The following AP1S3 variants were observed in gnomAD, a reference collection of about 807,000 sequenced individuals.
AP1S3 encodes the protein adaptor related protein complex 1 subunit sigma 3.
In AP1S3, 10 loss-of-function variants were observed where a neutral mutation model predicts 20.9. The ratio of observed to expected loss-of-function variants is 0.48; its 90% CI spans 0.29 to 0.81. The LOEUF is 0.81. Ranked by LOEUF, AP1S3 falls within the 30% of genes least tolerant of loss-of-function variation. AP1S3 has a pLI of 0.08. For synonymous variants in AP1S3, 41 were observed against 61.5 expected, an observed-to-expected ratio of 0.67 and a Z score of 1.56; for missense variants, 154 against 183.8, an observed-to-expected ratio of 0.84 and a Z score of 0.94.
intron 1 of AP1S3, among the ~76,000 whole-genome samples, chr2:223,783,604 T>G (rs1691006271): frequency 6.6e-6 from 1 of 152,228 alleles, no homozygotes; most frequent in Non-Finnish European, 1.5e-5. Context: ...GTCTGCGCCC[T>G]GGCCGGTGTC....
intron 4 of AP1S3, among the ~76,000 whole-genome samples, chr2:223,761,669 C>T (rs1043992540): frequency 2.0e-5 from 3 of 152,214 alleles, no homozygotes; most frequent in African/African-American, 7.2e-5. Context: ...TCAAGCGGTC[C>T]TTCCGCATCA....
chr2:223,813,936 T>C (rs1691791339), intron 1 of AP1S3, among the ~76,000 whole-genome samples: 1 of 152,230 alleles, frequency 6.6e-6, no homozygotes, highest in Non-Finnish European at 1.5e-5. Flanking sequence ...GCTCCTGGCA[T>C]GCACAGTGAG....
Position 223,837,466 on chromosome 2 carries a change from G to T in AP1S3, c.-16C>A. ...CACTCACCATCGTGGCTGGGCCGCCGCCTCCCCCGCCTTGCGAGCAAGGAG... is the reference window on the plus strand; with the variant it reads ...CACTCACCATCGTGGCTGGGCCGCCTCCTCCCCCGCCTTGCGAGCAAGGAG... On this transcript the variant is annotated 5_prime_UTR_variant, in exon 1 of 5. Transcript: ENST00000396654. The T allele has an allele frequency of 1.6e-6, 2 of 1,281,352 alleles. No homozygotes were observed. Among genetic ancestry groups the T allele is most frequent in the Non-Finnish European group, 2.0e-6 (2 of 1,012,238 alleles). 79.4% of individuals were successfully genotyped at this position (1,281,352 alleles called of 1,614,324 possible). A position where few individuals can be genotyped will look rare whatever the true frequency, so the allele number is the denominator to read the frequency against.
At chr2:223,813,191 C>T (rs959027407) in intron 1 of AP1S3, among the ~76,000 whole-genome samples, 2 of 152,134 alleles carry the variant, frequency 1.3e-5, no homozygotes, top group East Asian at 3.9e-4. Flanking sequence ...AAGTGATCTA[C>T]CCCACTCAGC....
chr2:223,778,924 C>T (rs1158393963), intron 1 of AP1S3, among the ~76,000 whole-genome samples: 1 of 152,120 alleles, frequency 6.6e-6, no homozygotes, highest in Non-Finnish European at 1.5e-5. Context: ...GTCTCAAACT[C>T]CTAGTCTCAG....
chr2:223,836,612 C>T (rs1450630924), intron 1 of AP1S3, among the ~76,000 whole-genome samples: 1 of 152,174 alleles, frequency 6.6e-6, no homozygotes, highest in Non-Finnish European at 1.5e-5. Flanking sequence ...TGGTGGCACA[C>T]GCCTGTAATC....
Position 223,755,836 on chromosome 2 carries a change from T to C in AP1S3, c.*2879A>G. 1.0e-6 allele frequency: 1 copy of C among 985,368 alleles called. No homozygotes were observed. The highest frequency in any genetic ancestry group is 1.2e-6 in the Non-Finnish European group (1 of 829,910). The allele number at this position is 985,368 out of a possible 1,614,324, so 61.0% of individuals were successfully genotyped here. ...TGAGCCACCTTGCCCAGAAGAGATA[T>C]ATTTACTTTCTATGTGTGACACTGA... On this transcript the variant is annotated 3_prime_UTR_variant, in exon 5 of 5. Coordinates refer to ENST00000396654, the MANE Select transcript of AP1S3 (RefSeq NM_001039569.2).
intron 1 of AP1S3, among the ~76,000 whole-genome samples, chr2:223,780,339 AGAG>A (rs1690906104): frequency 2.4e-5 from 3 of 124,550 alleles, no homozygotes; most frequent in African/African-American, 1.0e-4. Flanking sequence ...AGAGAGAGAG[AGAG>A]AGAGAGAGAG....
At chr2:223,830,348 A>G (rs957450865) in intron 1 of AP1S3, among the ~76,000 whole-genome samples, 16 of 151,602 alleles carry the variant, frequency 1.1e-4, no homozygotes, top group African/African-American at 3.9e-4. Context: ...GCGTGTTGGC[A>G]TGCACCTGTA....
intron 3 of AP1S3, among the ~76,000 whole-genome samples, chr2:223,768,496 C>A (rs1255684352): frequency 6.6e-6 from 1 of 152,100 alleles, no homozygotes; most frequent in Non-Finnish European, 1.5e-5. Context: ...ATCTTTATAT[C>A]CCTGGTTTCT....
At position 223,788,546 on chromosome 2, in the gene AP1S3, G is replaced by A. The variant is rs1188095521; in HGVS notation, c.4-10677C>T. Among the ~76,000 whole-genome samples, 3 of 147,050 alleles carry A rather than the reference G, an allele frequency of 2.0e-5. No individual in the cohort carries two copies. In the East Asian group the frequency reaches 6.2e-4, roughly 30 times the overall value. On this transcript the variant is annotated intron_variant, in intron 1 of 4. Transcript: ENST00000396654. ...AGGTGGGTGGATCACAAGTTCAGGA[G>A]ATCGAGACCATCCTGGCTAACATGG...
In AP1S3 at chr2:223,777,752, A is replaced by G. The variant is rs1690822117; in HGVS notation, c.121T>C (p.Ser41Pro). Residue 41 changes from serine to proline, a missense_variant, in exon 2 of 5, where the codon TCC becomes CCC. Coordinates refer to ENST00000396654, the MANE Select transcript of AP1S3 (RefSeq NM_001039569.2). ...AAACTGCTTGTCCTGTGACCACGGG[A>G]GAGAATAATCTGAACAATTTCCCGG... ...ITREIVQIILSRGHRTSSFVD... is the reference protein window; with the variant it reads ...ITREIVQIILPRGHRTSSFVD... 2 of 1,613,836 alleles carry G rather than the reference A, an allele frequency of 1.2e-6. No homozygotes were observed. Among genetic ancestry groups the G allele is most frequent in the Admixed American group, 3.3e-5 (2 of 60,012 alleles).
intron 4 of AP1S3, among the ~76,000 whole-genome samples, chr2:223,762,444 T>C (rs1252378069): frequency 6.6e-6 from 1 of 152,070 alleles, no homozygotes; most frequent in Non-Finnish European, 1.5e-5. Context: ...GGCTAATTTT[T>C]GTATTTTTAG....
intron 1 of AP1S3, among the ~76,000 whole-genome samples, chr2:223,819,430 T>C (rs993347747): frequency 5.3e-5 from 8 of 152,178 alleles, no homozygotes; most frequent in African/African-American, 1.7e-4. Context: ...TTGCCAAATA[T>C]TTTAATTCGT....
intron 1 of AP1S3, among the ~76,000 whole-genome samples, chr2:223,780,300 TATATATATAGAGAGAGAG>T (rs1369190231): frequency 5.3e-4 from 28 of 52,988 alleles, no homozygotes; most frequent in African/African-American, 1.4e-3. Flanking sequence ...TATATATATA[TATATATATAGAGAGAGAG>T]AGAGAGAGAG....
intron 1 of AP1S3, among the ~76,000 whole-genome samples, chr2:223,804,366 G>T (rs774225133): frequency 6.6e-6 from 1 of 152,080 alleles, no homozygotes; most frequent in Non-Finnish European, 1.5e-5. Flanking sequence ...CTTTCTTCTA[G>T]TTTTCCAGGT....
chr2:223,780,308 T>TAGAG (rs527550327), intron 1 of AP1S3, among the ~76,000 whole-genome samples: 20 of 62,036 alleles, frequency 3.2e-4, no homozygotes, highest in Non-Finnish European at 4.5e-4. Context: ...TATATATATA[T>TAGAG]AGAGAGAGAG....
intron 1 of AP1S3, among the ~76,000 whole-genome samples, chr2:223,787,852 A>C (rs1691111958): frequency 6.6e-6 from 1 of 152,346 alleles, no homozygotes; most frequent in South Asian, 2.1e-4. Flanking sequence ...ACCTCTTAGC[A>C]CAGCTTGCTC....
chr2:223,780,357 AGTGTGTGTGT>A (rs57103665), intron 1 of AP1S3, among the ~76,000 whole-genome samples: 1 of 44,448 alleles, frequency 2.2e-5, no homozygotes, highest in African/African-American at 1.1e-4. Context: ...AGAGAGAGAG[AGTGTGTGTGT>A]GTGTGTGTGT....
Sources: allele counts gnomAD v4.1 joint callset (sites outside exome capture counted in the v4.1 genomes callset), GRCh38; gene constraint gnomAD v4.1.1; transcripts MANE v1.5; gene names NCBI Gene and HGNC (gene_info 2026-07-23, HGNC 2026-07-21).